ANO4: variants seen among roughly 807,000 people sequenced by gnomAD.
ANO4 encodes the protein anoctamin 4.
In ANO4, 69 loss-of-function variants were observed where a neutral mutation model predicts 141.9. The ratio of observed to expected loss-of-function variants is 0.49; its 90% CI spans 0.40 to 0.59. The LOEUF (loss-of-function observed/expected upper bound fraction) is 0.59. Ranked by LOEUF, ANO4 falls within the 20% of genes least tolerant of loss-of-function variation. The pLI is 0.00. For missense variants in ANO4, 894 were observed against 1,162.2 expected (o/e 0.77, Z 3.36); for synonymous variants, 350 against 394.3 (o/e 0.89, Z 1.33).
intron 15 of ANO4, among the ~76,000 whole-genome samples, chr12:101,079,694 C>T (rs2049167940): frequency 6.6e-6 from 1 of 152,158 alleles, no homozygotes; most frequent in Admixed American, 6.5e-5. Context: ...GGACCGTGCC[C>T]AGGTGTGCAC....
intron 1 of ANO4, among the ~76,000 whole-genome samples, chr12:100,800,986 T>G (rs544244204): frequency 1.3e-5 from 2 of 152,362 alleles, no homozygotes; most frequent in East Asian, 3.9e-4. Context: ...CTTGGAAGTG[T>G]TTTGACACTT....
chr12:101,068,496 A>G, intron 14 of ANO4: 1 of 1,032,500 alleles, frequency 9.7e-7, no homozygotes, highest in Non-Finnish European at 1.5e-6. Flanking sequence ...CTCAGTAAAG[A>G]TCGCAACTTT....
intron 1 of ANO4, among the ~76,000 whole-genome samples, chr12:100,862,552 C>T (rs1224990185): frequency 6.6e-6 from 1 of 152,062 alleles, no homozygotes; most frequent in Non-Finnish European, 1.5e-5. Context: ...AAACTCCTGA[C>T]CTCAGGTGAT....
rs573496078 is a variant in ANO4, at chr12:100,882,153, C to T, written c.-140-19493C>T. ...TGCTAGGCATTAGTAAATGTATTAA[C>T]TCATGGAATCTTCAAACCAACCCTG... On this transcript the variant is annotated intron_variant, in intron 1 of 27. Transcript: ENST00000392977. Among the ~76,000 whole-genome samples the T allele has an allele frequency of 4.6e-5, 7 of 152,252 alleles. No individual in the cohort carries two copies. The South Asian group carries it at 1.5e-3, about 32-fold the overall frequency.
At chr12:101,092,910 A>G (rs1304476950) in intron 17 of ANO4, among the ~76,000 whole-genome samples, 4 of 152,192 alleles carry the variant, frequency 2.6e-5, no homozygotes, top group African/African-American at 7.2e-5. Flanking sequence ...CATCAGTCAA[A>G]TTAATTTTCC....
chr12:101,119,895 C>T (rs995633276), intron 25 of ANO4, among the ~76,000 whole-genome samples: 2 of 152,030 alleles, frequency 1.3e-5, no homozygotes, highest in African/African-American at 4.8e-5. Context: ...AACAGGTATT[C>T]GGCAAACATT....
chr12:101,080,894 T>C (rs2049236484), intron 15 of ANO4, among the ~76,000 whole-genome samples: 1 of 137,472 alleles, frequency 7.3e-6, no homozygotes, highest in Non-Finnish European at 1.6e-5. Flanking sequence ...TATATATATA[T>C]ATATATACAT....
In ANO4 at chr12:101,025,009, C is replaced by G. The variant is rs940856383; in HGVS notation, c.841+4869C>G. 3.3e-5 allele frequency among the ~76,000 whole-genome samples: 5 copies of G among 152,182 alleles called. No individual in the cohort carries two copies. In the South Asian group the frequency reaches 1.0e-3, roughly 32 times the overall value. On this transcript the variant is annotated intron_variant, in intron 9 of 27. Transcript: ENST00000392977. The stretch of plus-strand genomic sequence containing the variant: ...TCTAAAGCATAGGTAGCATTCCTCT[C>G]AAGCCACTTGAGAAATTATGATAAT...
At chr12:101,039,092 A>G (rs2136607720) in intron 10 of ANO4, 1 of 152,186 alleles carries the variant, frequency 6.6e-6, no homozygotes, top group East Asian at 1.9e-4. Context: ...GTTGAATTAA[A>G]TTTGAATTAC....
At chr12:100,755,568 A>G (rs2032570006) in intron 3 of ANO4, among the ~76,000 whole-genome samples, 2 of 152,210 alleles carry the variant, frequency 1.3e-5, no homozygotes, top group East Asian at 1.9e-4. Context: ...TCTAGGTTCT[A>G]TCCTGAAGCT....
At chr12:101,012,807 T>A (rs190684053) in intron 8 of ANO4, among the ~76,000 whole-genome samples, 12 of 151,964 alleles carry the variant, frequency 7.9e-5, no homozygotes, top group African/African-American at 2.4e-4. Context: ...AACTTTGCAG[T>A]AGGAGGGTGA....
At chr12:100,921,718 A>C (rs1319898527) in intron 2 of ANO4, among the ~76,000 whole-genome samples, 3 of 152,170 alleles carry the variant, frequency 2.0e-5, no homozygotes, top group Admixed American at 6.6e-5. Context: ...ATTCGGATAC[A>C]GTTGAAAAAT....
At chr12:100,733,805 T>G (rs1382532544) in exon 2 of ANO4, 5 of 702,288 alleles carry the variant, frequency 7.1e-6, no homozygotes, top group Non-Finnish European at 1.3e-5. Context: ...GTTATAACCT[T>G]TCCTCTGCAA....
intron 5 of ANO4, among the ~76,000 whole-genome samples, chr12:100,949,660 TAGGA>T (rs1434867194): frequency 6.6e-5 from 10 of 152,306 alleles, no homozygotes; most frequent in Non-Finnish European, 1.5e-4. Context: ...ACGCAACCAT[TAGGA>T]ATAGCAACAT....
At chr12:100,894,118 A>G (rs1033220531) in intron 1 of ANO4, among the ~76,000 whole-genome samples, 4 of 152,302 alleles carry the variant, frequency 2.6e-5, no homozygotes, top group Admixed American at 1.3e-4. Flanking sequence ...GGCTTTAGAC[A>G]TAATTGTAAC....
intron 2 of ANO4, among the ~76,000 whole-genome samples, chr12:100,919,702 GTGTATGTATGTATGTATGTA>G (rs368823212): frequency 1.5e-5 from 2 of 133,820 alleles, no homozygotes; most frequent in African/African-American, 6.1e-5. Context: ...GTGTGTGTGT[GTGTATGTATGTATGTATGTA>G]TGTGTGTATG....
At chr12:101,029,518 G>A (rs551423705) in intron 9 of ANO4, among the ~76,000 whole-genome samples, 19 of 152,080 alleles carry the variant, frequency 1.2e-4, no homozygotes, top group Middle Eastern at 3.4e-3. Context: ...AAAAATGCAG[G>A]GGTTGCAAAC....
At chr12:101,049,110 A>T (rs966388009) in intron 14 of ANO4, among the ~76,000 whole-genome samples, 1 of 152,244 alleles carries the variant, frequency 6.6e-6, no homozygotes, top group African/African-American at 2.4e-5. Context: ...GGAAAGGAAG[A>T]TTCATGGAAG....
intron 3 of ANO4, among the ~76,000 whole-genome samples, chr12:100,933,267 C>T (rs551723940): frequency 6.6e-5 from 10 of 152,166 alleles, no homozygotes; most frequent in South Asian, 4.2e-4. Flanking sequence ...TATCCCTCCC[C>T]GAGCCCCCCA....
Sources: allele counts gnomAD v4.1 joint callset (sites outside exome capture counted in the v4.1 genomes callset), GRCh38; gene constraint gnomAD v4.1.1; transcripts MANE v1.5; gene names NCBI Gene and HGNC (gene_info 2026-07-23, HGNC 2026-07-21).